ATAD2B: variants seen among roughly 807,000 people sequenced by gnomAD.
ATAD2B encodes the protein ATPase family AAA domain-containing protein 2B.
A neutral mutation model predicts 167.6 loss-of-function variants in ATAD2B; 40 were observed. The observed-to-expected ratio is 0.24, with a 90% confidence interval of 0.19 to 0.31. The LOEUF (loss-of-function observed/expected upper bound fraction) is 0.31. Among genes scored for constraint, ATAD2B ranks in the 10% least tolerant of loss-of-function variants. The pLI is 1.00. For missense variants in ATAD2B, 1,242 were observed against 1,757.2 expected, an observed-to-expected ratio of 0.71 and a Z score of 5.24; for synonymous variants, 579 against 596.5, an observed-to-expected ratio of 0.97 and a Z score of 0.43.
At chr2:23,875,436 T>C (rs116444877) in intron 8 of ATAD2B, among the ~76,000 whole-genome samples, 12,003 of 151,954 alleles carry the variant, frequency 0.079, 605 homozygotes, top group South Asian at 0.12. Context: ...GGAGAAAAGG[T>C]TGCAGTGAGC....
At chr2:23,781,679 A>G (rs1680076898) in intron 22 of ATAD2B, among the ~76,000 whole-genome samples, 1 of 152,030 alleles carries the variant, frequency 6.6e-6, no homozygotes, top group South Asian at 2.1e-4. Context: ...AAATAAAAAT[A>G]AACAATAATA....
chr2:23,843,187 G>C (rs941504903), intron 13 of ATAD2B, among the ~76,000 whole-genome samples: 2 of 152,064 alleles, frequency 1.3e-5, no homozygotes, highest in East Asian at 3.8e-4. Context: ...GTAAGTCCTA[G>C]GACTGAAAAA....
intron 16 of ATAD2B, among the ~76,000 whole-genome samples, chr2:23,823,017 T>C (rs1017964788): frequency 1.1e-4 from 17 of 150,270 alleles, no homozygotes; most frequent in African/African-American, 3.7e-4. Flanking sequence ...TTTCTAAAGA[T>C]AGTAATAGCC....
chr2:23,857,329 C>T, intron 13 of ATAD2B, 86 bp downstream of exon 13: 1 of 691,222 alleles, frequency 1.4e-6, no homozygotes, highest in East Asian at 3.4e-5. Flanking sequence ...CTTTGTAAGC[C>T]TCATAGCACT....
At chr2:23,832,821 A>C (rs9941520) in intron 14 of ATAD2B, among the ~76,000 whole-genome samples, 142,349 of 152,220 alleles carry the variant, frequency 0.94, 66,648 homozygotes, top group East Asian at 0.99. Flanking sequence ...CACATTTCCC[A>C]ATGTACTGAA....
chr2:23,696,620 G>A, the ATAD2B span: 4 of 885,554 alleles, frequency 4.5e-6, no homozygotes, highest in Admixed American at 6.0e-5. The surrounding 1 kb of genome is among the most constrained non-coding windows in gnomAD (Gnocchi z 5.5). Flanking sequence ...ATGGAGCAGA[G>A]CCTGGACCAT....
chr2:23,868,057 C>T, intron 9 of ATAD2B, 111 bp from the exon 10 acceptor site: 1 of 705,014 alleles, frequency 1.4e-6, no homozygotes, highest in Non-Finnish European at 2.4e-6. Flanking sequence ...TTTCTCATAA[C>T]CCAGAAAATA....
At chr2:23,860,933 T>G (rs1397588264) in intron 12 of ATAD2B, among the ~76,000 whole-genome samples, 1 of 152,124 alleles carries the variant, frequency 6.6e-6, no homozygotes, top group Non-Finnish European at 1.5e-5. Flanking sequence ...ATCACGCCAT[T>G]GCACTCCAGC....
Position 23,857,442 on chromosome 2 carries a change from C to A in ATAD2B, c.1541G>T (p.Arg514Leu). 6.6e-7 allele frequency: 1 copy of A among 1,515,536 alleles called. No homozygotes were observed. The highest frequency in any genetic ancestry group is 8.8e-7 in the Non-Finnish European group (1 of 1,138,296). 93.9% of individuals were successfully genotyped at this position (1,515,536 alleles called of 1,614,324 possible). A position where few individuals can be genotyped will look rare whatever the true frequency, so the allele number is the denominator to read the frequency against. ...GTGGATCTGATCTTGTCTGCTAGAG[C>A]GAACTGGAGCTAATCCATCTATTTC... is the stretch of plus-strand genomic sequence containing the variant. Reference protein sequence around the residue: ...FDEIDGLAPVRSSRQDQIHSS... With the variant: ...FDEIDGLAPVLSSRQDQIHSS... The change falls in exon 13 of 28, where the codon CGC (arginine) becomes CTC (leucine). Residue 514 changes from arginine to leucine, a missense_variant. By Grantham distance (102) the Arg-to-Leu change is moderately radical. Coordinates refer to ENST00000238789, the MANE Select transcript of ATAD2B (RefSeq NM_017552.4).
chr2:23,784,554 T>A (rs565515369), intron 21 of ATAD2B, among the ~76,000 whole-genome samples: 1 of 152,258 alleles, frequency 6.6e-6, no homozygotes, highest in Non-Finnish European at 1.5e-5. Flanking sequence ...CTGACAAATC[T>A]TCTTTGATTA....
intron 16 of ATAD2B, among the ~76,000 whole-genome samples, chr2:23,820,536 C>T (rs1257742178): frequency 2.0e-5 from 3 of 152,116 alleles, no homozygotes; most frequent in Admixed American, 2.0e-4. Context: ...ACAGCTGTTG[C>T]TATACTTCAA....
At chr2:23,858,437 A>G (rs1290024200) in intron 12 of ATAD2B, among the ~76,000 whole-genome samples, 1 of 151,120 alleles carries the variant, frequency 6.6e-6, no homozygotes, top group African/African-American at 2.4e-5. Flanking sequence ...TTCTTTTTAT[A>G]TAACAATGTA....
chr2:23,684,200 C>A, the ATAD2B span, among the ~76,000 whole-genome samples: 1 of 152,010 alleles, frequency 6.6e-6, no homozygotes, highest in Non-Finnish European at 1.5e-5. The surrounding 1 kb of genome is among the most constrained non-coding windows in gnomAD (Gnocchi z 4.4). Context: ...TGGTTATTAG[C>A]CCCTCCCAGT....
intron 13 of ATAD2B, among the ~76,000 whole-genome samples, chr2:23,854,981 G>T (rs1372826769): frequency 6.6e-6 from 1 of 152,140 alleles, no homozygotes; most frequent in East Asian, 1.9e-4. Flanking sequence ...GATCACTTGA[G>T]GTCAAGAGTT....
intron 10 of ATAD2B, 97 bp from the exon 11 acceptor site, chr2:23,865,021 GC>G: frequency 1.6e-6 from 1 of 629,678 alleles, no homozygotes; most frequent in Non-Finnish European, 2.6e-6. Context: ...AGAAATACAT[GC>G]CTTTAGCAGA....
At chr2:23,816,475 C>T (rs1476197228) in intron 17 of ATAD2B, among the ~76,000 whole-genome samples, 1 of 152,042 alleles carries the variant, frequency 6.6e-6, no homozygotes, top group African/African-American at 2.4e-5. Context: ...TCATATTAAA[C>T]ATACACTGAC....
At chr2:23,780,924 C>T (rs1209053907) in intron 22 of ATAD2B, among the ~76,000 whole-genome samples, 1 of 152,012 alleles carries the variant, frequency 6.6e-6, no homozygotes, top group African/African-American at 2.4e-5. Context: ...AAACAAAGCA[C>T]AAATTATACT....
At chr2:23,736,853 G>A in the ATAD2B span, among the ~76,000 whole-genome samples, 9 of 152,244 alleles carry the variant, frequency 5.9e-5, no homozygotes, top group South Asian at 4.1e-4. Flanking sequence ...CTAATACTGC[G>A]CTTTTCCAAC....
At chr2:23,719,496 T>C in the ATAD2B span, among the ~76,000 whole-genome samples, 1 of 152,040 alleles carries the variant, frequency 6.6e-6, no homozygotes, top group Non-Finnish European at 1.5e-5. Context: ...AAATATACAG[T>C]GCCAAGACCA....
Sources: allele counts gnomAD v4.1 joint callset (sites outside exome capture counted in the v4.1 genomes callset), GRCh38; gene constraint gnomAD v4.1.1; non-coding constraint Gnocchi (gnomAD v3.1); transcripts MANE v1.5; gene names NCBI Gene and HGNC (gene_info 2026-07-23, HGNC 2026-07-21).